Variants in DNAH9 observed in about 807,000 individuals in gnomAD.
DNAH9 encodes dynein axonemal heavy chain 9.
A neutral mutation model predicts 471.6 loss-of-function variants in DNAH9; 345 were observed. That is an observed-to-expected ratio of 0.73 (90% CI 0.67 to 0.80). DNAH9 has a LOEUF of 0.80. DNAH9 is among the 30% of genes least tolerant of loss of function. DNAH9 has a pLI of 0.00. For missense variants in DNAH9, 5,407 were observed against 5,609.2 expected (o/e 0.96, Z 1.15); for synonymous variants, 2,093 against 2,123.6 (o/e 0.99, Z 0.40).
At chr17:11,757,515 T>G (rs778929377) in intron 34 of DNAH9, 30 bp from the exon 35 acceptor site, 1 of 1,590,364 alleles carries the variant, frequency 6.3e-7, no homozygotes, top group South Asian at 1.1e-5. Flanking sequence ...ATATGGAATA[T>G]TCACTAAACT....
rs556193995 is a variant in DNAH9 at position 11,821,897 on chromosome 17, A to G, written c.8708-23A>G. The G allele has an allele frequency of 5.6e-6, 9 of 1,602,628 alleles. No individual in the cohort carries two copies. The Admixed American group carries it at 1.0e-4, about 19-fold the overall frequency. ...ATTTAACGAGATGCCAAGGCTGCCT[A>G]TCTGTGCTCCATTTTTTCCCAGGGG... On this transcript the variant is annotated intron_variant, in intron 45 of 68. Transcript: ENST00000262442.
intron 39 of DNAH9, 23 bp from the exon 40 acceptor site, chr17:11,783,623 C>T (rs1188744618): frequency 6.3e-7 from 1 of 1,598,782 alleles, no homozygotes; most frequent in South Asian, 1.1e-5. Context: ...ACACCTTTCA[C>T]CTAGAGCTTC....
intron 61 of DNAH9, among the ~76,000 whole-genome samples, chr17:11,913,090 C>G (rs1215479263): frequency 6.6e-6 from 1 of 152,098 alleles, no homozygotes; most frequent in Non-Finnish European, 1.5e-5. Flanking sequence ...ATTGCTTGAA[C>G]CTGGGAGGTG....
chr17:11,728,709 G>T (rs1477543044), intron 28 of DNAH9, among the ~76,000 whole-genome samples: 1 of 152,114 alleles, frequency 6.6e-6, no homozygotes, highest in Non-Finnish European at 1.5e-5. Flanking sequence ...AGGGTGAAGG[G>T]GGGGAACGTT....
At chr17:11,647,027 C>A (rs1330898126) in intron 11 of DNAH9, 45 bp from the exon 12 acceptor site, 7 of 1,604,010 alleles carry the variant, frequency 4.4e-6, no homozygotes, top group Non-Finnish European at 6.0e-6. Flanking sequence ...CACCGGTGAG[C>A]TGGGAGGGGG....
chr17:11,617,566 T>TC lies in DNAH9; in HGVS notation c.1064dup (p.Arg357LysfsTer19), dbSNP rs747927532. On this transcript the variant is annotated frameshift_variant, in exon 5 of 69. Transcript: ENST00000262442. LOFTEE classifies it high-confidence loss of function. ...TTGGGCCACATGCAAGTCCTACCGC[T>TC]CCCCGGGAAGGCTGACTGTGCTGCT... is the stretch of plus-strand genomic sequence containing the variant. 1.2e-6 allele frequency: 2 copies of TC among 1,614,034 alleles called. No homozygotes were observed. The highest frequency in any genetic ancestry group is 2.2e-5 in the South Asian group (2 of 91,060).
intron 67 of DNAH9, among the ~76,000 whole-genome samples, chr17:11,952,424 G>A (rs1975417035): frequency 6.9e-6 from 1 of 144,748 alleles, no homozygotes; most frequent in South Asian, 2.2e-4. Flanking sequence ...TTCCCAAAGT[G>A]CTGAGATAAT....
At chr17:11,792,355 C>T (rs181655643) in intron 41 of DNAH9, among the ~76,000 whole-genome samples, 123 of 152,300 alleles carry the variant, frequency 8.1e-4, no homozygotes, top group Admixed American at 2.5e-3. Flanking sequence ...TGGATCTGCA[C>T]ATTATTCTAT....
chr17:11,797,399 A>T (rs1165915551), intron 42 of DNAH9, among the ~76,000 whole-genome samples, 198 bp from the exon 43 acceptor site: 2 of 152,054 alleles, frequency 1.3e-5, no homozygotes, highest in Non-Finnish European at 2.9e-5. Flanking sequence ...AATAACAAAC[A>T]TCACCTGAGA....
In DNAH9 at chr17:11,894,479, G is replaced by A; in HGVS notation, c.11389G>A (p.Ala3797Thr). ...CCCCGTGGAGTTCCTCTCCCATCAG[G>A]CGTGGGGAGCTGTCAAGGTCAGTAT... ...ASPVEFLSHQ[A>T]WGAVKVLSSM... Residue 3797 changes from alanine (A) to threonine (T), a missense_variant, in exon 59 of 69, where the codon GCG (alanine) becomes ACG (threonine). Around this residue, in one of 3 missense-constraint regions of DNAH9, gnomAD observed 4,636 missense variants for 4,900.3 expected, o/e 0.95. Transcript: ENST00000262442. 6.2e-7 allele frequency: 1 copy of A among 1,614,134 alleles called. No individual in the cohort carries two copies.
intron 35 of DNAH9, 27 bp from the exon 36 acceptor site, chr17:11,763,413 C>T: frequency 2.5e-6 from 4 of 1,605,168 alleles, no homozygotes; most frequent in Non-Finnish European, 3.4e-6. Flanking sequence ...CTCTGTGTTT[C>T]AGATCCCCTC....
chr17:11,927,973 A>T (rs1008541159), intron 62 of DNAH9, among the ~76,000 whole-genome samples: 1 of 152,214 alleles, frequency 6.6e-6, no homozygotes, highest in African/African-American at 2.4e-5. Flanking sequence ...GCTCTCAAGT[A>T]GCCCACTAAA....
At chr17:11,853,974 C>T in intron 49 of DNAH9, 29 bp from the exon 50 acceptor site, 1 of 1,604,380 alleles carries the variant, frequency 6.2e-7, no homozygotes, top group Non-Finnish European at 8.5e-7. Flanking sequence ...CATTCATGTT[C>T]CCCTAACCAC....
Position 11,608,121 on chromosome 17 carries a change from T to C in DNAH9, c.418-8T>C. The C allele has an allele frequency of 1.3e-6, 2 of 1,570,650 alleles. No homozygotes were observed. The highest frequency in any genetic ancestry group is 8.7e-7 in the Non-Finnish European group (1 of 1,154,926). ...CCTGCCTTTCTTTCCTGTGCACCTCTGTTCCAGGTTGTTCTACCCGTCCTG... is the reference window on the plus strand; with the variant it reads ...CCTGCCTTTCTTTCCTGTGCACCTCCGTTCCAGGTTGTTCTACCCGTCCTG... On this transcript the variant is annotated splice_polypyrimidine_tract_variant and splice_region_variant and intron_variant, in intron 1 of 68. Transcript: ENST00000262442.
chr17:11,893,008 G>A (rs182761287), intron 58 of DNAH9, among the ~76,000 whole-genome samples: 21 of 151,952 alleles, frequency 1.4e-4, no homozygotes, highest in Non-Finnish European at 1.5e-4. Context: ...ACTGGCCCAC[G>A]GTTGAAGGCC....
At chr17:11,934,138 G>C (rs578202821) in intron 65 of DNAH9, 67 bp downstream of exon 65, 1 of 1,520,930 alleles carries the variant, frequency 6.6e-7, no homozygotes, top group Non-Finnish European at 8.9e-7. Context: ...TTCCTCCCAC[G>C]CCGACCTGCA....
Position 11,690,281 on chromosome 17 carries a change from T to A in DNAH9, c.4459T>A (p.Tyr1487Asn), listed in dbSNP as rs200299250. ...VQLQNLVMSK[Y>N]VAFFLEEVSG... is the part of the protein sequence containing the mutation. ...ACTTCAGAACCTGGTGATGTCCAAG[T>A]ATGTTGCTTTCTTCTTGGAGGAGGT... Residue 1487 changes from tyrosine to asparagine, a missense_variant, in exon 20 of 69, where the codon TAT becomes AAT. Coordinates refer to ENST00000262442, the MANE Select transcript of DNAH9 (RefSeq NM_001372.4). 8 of 1,614,198 alleles carry A rather than the reference T, an allele frequency of 5.0e-6. No individual in the cohort carries two copies. The Admixed American group carries it at 6.7e-5, about 13-fold the overall frequency.
chr17:11,935,684 T>G (rs1974690261), intron 65 of DNAH9, among the ~76,000 whole-genome samples: 1 of 152,120 alleles, frequency 6.6e-6, no homozygotes, highest in Non-Finnish European at 1.5e-5. Context: ...CGAAAGATAT[T>G]TTTTAGCAGT....
chr17:11,930,428 G>A (rs1597840259), intron 63 of DNAH9, among the ~76,000 whole-genome samples: 1 of 152,234 alleles, frequency 6.6e-6, no homozygotes, highest in South Asian at 2.1e-4. Context: ...ACACACTGAT[G>A]GGCTATCTTC....
Sources: allele counts gnomAD v4.1 joint callset (sites outside exome capture counted in the v4.1 genomes callset), GRCh38; gene constraint gnomAD v4.1.1; regional missense constraint gnomAD v4.1.1; transcripts MANE v1.5; gene names NCBI Gene and HGNC (gene_info 2026-07-23, HGNC 2026-07-21).